The following FRMD4B variants were observed in gnomAD, a reference collection of about 807,000 sequenced individuals.
FRMD4B encodes FERM domain-containing protein 4B.
FRMD4B carries 74 observed loss-of-function variants against 141.5 expected under a neutral mutation model. The observed-to-expected ratio is 0.52, with a 90% CI of 0.43 to 0.63. The LOEUF (loss-of-function observed/expected upper bound fraction) is 0.63. FRMD4B is among the 30% of genes least tolerant of loss of function. FRMD4B has a pLI of 0.00. For missense variants in FRMD4B, 1,366 were observed against 1,253.4 expected (o/e 1.09, Z -1.36); for synonymous variants, 506 against 467.9 (o/e 1.08, Z -1.05).
At chr3:69,302,881 T>C (rs935362916) in intron 3 of FRMD4B, among the ~76,000 whole-genome samples, 1 of 152,184 alleles carries the variant, frequency 6.6e-6, no homozygotes, top group Non-Finnish European at 1.5e-5. Context: ...GAGACCAGCC[T>C]GGCTAACATG....
chr3:69,529,070 T>C (rs920148565), intron 1 of FRMD4B, among the ~76,000 whole-genome samples: 2 of 152,098 alleles, frequency 1.3e-5, no homozygotes, highest in South Asian at 4.1e-4. Flanking sequence ...GAAGCTGGTA[T>C]GCACGACCAT....
chr3:69,323,608 GTATATATATATATATATA>G (rs55847019), intron 1 of FRMD4B, among the ~76,000 whole-genome samples: 3,716 of 101,680 alleles, frequency 0.037, 292 homozygotes, highest in African/African-American at 0.13. Flanking sequence ...CTCTCTCTGT[GTATATATATATATATATA>G]TATATATATA....
At chr3:69,396,918 G>A (rs1028968126) in intron 2 of FRMD4B, among the ~76,000 whole-genome samples, 3 of 152,136 alleles carry the variant, frequency 2.0e-5, no homozygotes, top group Non-Finnish European at 4.4e-5. Flanking sequence ...CAAATGGTGG[G>A]AATTACCCAT....
intron 2 of FRMD4B, among the ~76,000 whole-genome samples, chr3:69,416,081 A>G (rs1704853855): frequency 6.6e-6 from 1 of 152,242 alleles, no homozygotes; most frequent in Non-Finnish European, 1.5e-5. Flanking sequence ...CTGCCAGGGC[A>G]TACCAAGTAG....
chr3:69,441,326 T>C (rs1705337976), intron 1 of FRMD4B, among the ~76,000 whole-genome samples: 1 of 150,968 alleles, frequency 6.6e-6, no homozygotes, highest in African/African-American at 2.4e-5. Flanking sequence ...TACTCAAACA[T>C]ACCAAGCTAA....
chr3:69,244,254 G>T (rs1324792753), intron 7 of FRMD4B, among the ~76,000 whole-genome samples: 1 of 152,074 alleles, frequency 6.6e-6, no homozygotes, highest in East Asian at 1.9e-4. Flanking sequence ...AGAGAGAATG[G>T]AGCTGTAATT....
chr3:69,215,465 G>T (rs368298079), intron 11 of FRMD4B, among the ~76,000 whole-genome samples: 1 of 150,140 alleles, frequency 6.7e-6, no homozygotes, highest in South Asian at 2.1e-4. Flanking sequence ...GCTAATTTTT[G>T]TATTTTTAGT....
rs549129521 is a variant in FRMD4B at position 69,328,090 on chromosome 3, C to T, written c.163-14573G>A. ...AGGGAACATAACTGGGAGGAAAGAT[C>T]TTTTGAGAGACAGAATGGTGGTGGA... On this transcript the variant is annotated intron_variant, in intron 1 of 22. Transcript: ENST00000398540. Among the ~76,000 whole-genome samples the T allele has an allele frequency of 2.9e-3, 438 of 152,300 alleles. 1 individual carries two copies. Among genetic ancestry groups the T allele is most frequent in the Non-Finnish European group, 3.7e-3 (251 of 68,020 alleles).
At position 69,362,710 on chromosome 3, in the gene FRMD4B, C is replaced by CCCA. The variant is rs1553730362; in HGVS notation, c.162+23117_162+23118insTGG. Among the ~76,000 whole-genome samples, 350 of 148,172 alleles carry CCCA rather than the reference C, an allele frequency of 2.4e-3. 5 individuals carry two copies. The highest frequency in any genetic ancestry group is 7.6e-3 in the African/African-American group (304 of 40,114). On this transcript the variant is annotated intron_variant, in intron 1 of 22. Transcript: ENST00000398540. ...AACAACAAAAAGCCAACCCCCCCCC[C>CCCA]AAAAAAACAAACAAAAAACAAAAAC...
intron 2 of FRMD4B, among the ~76,000 whole-genome samples, chr3:69,395,010 T>C (rs1306637227): frequency 6.6e-6 from 1 of 151,962 alleles, no homozygotes; most frequent in Admixed American, 6.6e-5. Flanking sequence ...ACACCGGGGC[T>C]TGTCGGGGGT....
chr3:69,440,683 C>T (rs1173535050), intron 1 of FRMD4B, among the ~76,000 whole-genome samples: 1 of 152,166 alleles, frequency 6.6e-6, no homozygotes, highest in Non-Finnish European at 1.5e-5. Flanking sequence ...TGATGCACCC[C>T]TGTAATCCCA....
At chr3:69,232,126 T>C (rs1235765374) in intron 7 of FRMD4B, among the ~76,000 whole-genome samples, 1 of 152,192 alleles carries the variant, frequency 6.6e-6, no homozygotes, top group Non-Finnish European at 1.5e-5. Context: ...GGGATGTCTC[T>C]GCCTTTCACC....
Position 69,195,008 on chromosome 3 carries a change from G to A in FRMD4B, c.1488+14C>T, listed in dbSNP as rs1298871948. 4 of 1,610,488 alleles carry A rather than the reference G, an allele frequency of 2.5e-6. No homozygotes were observed. In the East Asian group the frequency reaches 8.9e-5, roughly 36 times the overall value. On this transcript the variant is annotated intron_variant, in intron 16 of 22. Transcript: ENST00000398540. ...CTTATGATTAATTGAAAGGCTCAGA[G>A]GCGTTGTTCATACTTCTTCACTCGG...
intron 1 of FRMD4B, among the ~76,000 whole-genome samples, chr3:69,344,484 A>T (rs1342719831): frequency 6.6e-6 from 1 of 152,220 alleles, no homozygotes; most frequent in Non-Finnish European, 1.5e-5. Flanking sequence ...AGCATTTCTA[A>T]GCTGAAAAAT....
At chr3:69,186,938 C>T (rs189436832) in intron 19 of FRMD4B, among the ~76,000 whole-genome samples, 82 of 152,304 alleles carry the variant, frequency 5.4e-4, no homozygotes, top group African/African-American at 1.9e-3. Flanking sequence ...GAACCACTGG[C>T]CTGTCATGTT....
chr3:69,229,606 A>G (rs73838314), intron 7 of FRMD4B, among the ~76,000 whole-genome samples: 6,095 of 152,316 alleles, frequency 0.04, 189 homozygotes, highest in East Asian at 0.11. Flanking sequence ...CAGAAAAATG[A>G]GTTAAACTCT....
chr3:69,428,029 A>G (rs1354208476), intron 2 of FRMD4B, among the ~76,000 whole-genome samples: 1 of 152,048 alleles, frequency 6.6e-6, no homozygotes, highest in Non-Finnish European at 1.5e-5. Flanking sequence ...TCAAGTTAAC[A>G]AGCATCTACT....
intron 1 of FRMD4B, among the ~76,000 whole-genome samples, chr3:69,362,577 T>G (rs1462280178): frequency 6.6e-6 from 1 of 152,124 alleles, no homozygotes; most frequent in Non-Finnish European, 1.5e-5. Flanking sequence ...CTCAGGAAGC[T>G]GAGGCAGGAG....
At chr3:69,304,685 C>A (rs1701336853) in intron 3 of FRMD4B, among the ~76,000 whole-genome samples, 1 of 152,126 alleles carries the variant, frequency 6.6e-6, no homozygotes, top group Non-Finnish European at 1.5e-5. Context: ...GGGCTCAGAA[C>A]TGTTTACGTG....
Sources: gnomAD v4.1 joint callset for allele counts (sites outside exome capture counted in the v4.1 genomes callset) on GRCh38, gnomAD v4.1.1 for gene constraint, MANE v1.5 for transcripts, NCBI Gene and HGNC (gene_info 2026-07-23, HGNC 2026-07-21) for gene names.